Variants in NRXN3 observed in about 807,000 individuals in gnomAD.
The protein encoded by NRXN3 is neurexin III.
Under a neutral mutation model 137.6 loss-of-function variants are expected in NRXN3, and 32 were observed. The observed-to-expected ratio is 0.23, with a 90% CI of 0.18 to 0.31. The LOEUF is 0.31. Ranked by LOEUF, NRXN3 falls within the 10% of genes least tolerant of loss-of-function variation. NRXN3 has a pLI of 1.00. For synonymous variants in NRXN3, 798 were observed against 784.5 expected (o/e 1.02, Z -0.29); for missense variants, 1,574 against 2,062.5 (o/e 0.76, Z 4.59).
At chr14:78,205,524 A>G (rs1251580299) in intron 1 of NRXN3, among the ~76,000 whole-genome samples, 1 of 152,218 alleles carries the variant, frequency 6.6e-6, no homozygotes, top group Non-Finnish European at 1.5e-5. Context: ...GGCTTCCTGG[A>G]GGAATTGAGG....
intron 4 of NRXN3, among the ~76,000 whole-genome samples, chr14:78,458,995 C>G (rs1220761455): frequency 1.3e-5 from 2 of 152,200 alleles, no homozygotes; most frequent in Non-Finnish European, 2.9e-5. Context: ...TGGAAGATGT[C>G]CCTTTACCTT....
chr14:78,388,121 G>A (rs113656876), intron 4 of NRXN3, among the ~76,000 whole-genome samples: 4 of 152,128 alleles, frequency 2.6e-5, no homozygotes, highest in Non-Finnish European at 5.9e-5. Flanking sequence ...GAATAATTGC[G>A]CAGGTGGGAT....
rs571089507 is a variant in NRXN3 at position 78,720,950 on chromosome 14, G to A, written c.2044+5811G>A. Among the ~76,000 whole-genome samples, 8 of 152,258 alleles carry A rather than the reference G, an allele frequency of 5.3e-5. 1 individual carries two copies. The South Asian group carries it at 1.7e-3, about 32-fold the overall frequency. On this transcript the variant is annotated intron_variant, in intron 8 of 20. Transcript: ENST00000335750. ...CTCTTTTCTGTGTCAGGCTTTGTGA[G>A]CTGATGAGGATATACATTTATATTA...
At chr14:79,571,086 A>T (rs916331975) in intron 16 of NRXN3, among the ~76,000 whole-genome samples, 4 of 152,046 alleles carry the variant, frequency 2.6e-5, no homozygotes, top group Non-Finnish European at 5.9e-5. Context: ...CCTCATTTAA[A>T]CTCATCAGGG....
chr14:79,232,533 G>T (rs2072430609), intron 15 of NRXN3, among the ~76,000 whole-genome samples: 1 of 152,070 alleles, frequency 6.6e-6, no homozygotes, highest in South Asian at 2.1e-4. Flanking sequence ...TGGCTACTGA[G>T]CTTCTTAATA....
At chr14:78,925,692 C>T (rs536701406) in intron 10 of NRXN3, among the ~76,000 whole-genome samples, 4 of 152,150 alleles carry the variant, frequency 2.6e-5, no homozygotes, top group African/African-American at 7.2e-5. Context: ...TGAAAGGGGC[C>T]GAACCAATGA....
chr14:79,348,986 A>G (rs2093052903), intron 15 of NRXN3, among the ~76,000 whole-genome samples: 1 of 152,196 alleles, frequency 6.6e-6, no homozygotes, highest in African/African-American at 2.4e-5. Context: ...TGGTTGATCA[A>G]TAAAGTCACT....
chr14:79,818,403 A>G (rs2099259721), intron 20 of NRXN3, among the ~76,000 whole-genome samples: 1 of 152,182 alleles, frequency 6.6e-6, no homozygotes, highest in African/African-American at 2.4e-5. Context: ...TTCAAAACAT[A>G]TGCCCAGACA....
chr14:79,078,190 T>C (rs1232017164), intron 15 of NRXN3, among the ~76,000 whole-genome samples: 2 of 152,158 alleles, frequency 1.3e-5, no homozygotes, highest in East Asian at 1.9e-4. Flanking sequence ...AATCAAACTT[T>C]AGAGGTCATT....
intron 15 of NRXN3, among the ~76,000 whole-genome samples, chr14:79,250,806 G>A (rs2075817690): frequency 6.6e-6 from 1 of 152,198 alleles, no homozygotes; most frequent in Non-Finnish European, 1.5e-5. Context: ...TCATGCAGTG[G>A]TGGCATTTAA....
intron 16 of NRXN3, among the ~76,000 whole-genome samples, chr14:79,515,243 G>T (rs979940069): frequency 6.6e-6 from 1 of 150,528 alleles, no homozygotes; most frequent in Non-Finnish European, 1.5e-5. Context: ...ATAGGGAAAA[G>T]GTGGACTGCC....
At chr14:78,703,324 T>G (rs1451258716) in intron 6 of NRXN3, among the ~76,000 whole-genome samples, 1 of 152,126 alleles carries the variant, frequency 6.6e-6, no homozygotes, top group Non-Finnish European at 1.5e-5. Context: ...ATCAGCTGCC[T>G]GAGGGAGAGA....
At chr14:79,746,008 A>G (rs1568092330) in intron 19 of NRXN3, among the ~76,000 whole-genome samples, 2 of 152,092 alleles carry the variant, frequency 1.3e-5, no homozygotes, top group African/African-American at 4.8e-5. Context: ...ACCTTCCTAT[A>G]TTCAAATAAC....
At chr14:78,247,760 C>T (rs1401376155) in intron 2 of NRXN3, among the ~76,000 whole-genome samples, 1 of 152,146 alleles carries the variant, frequency 6.6e-6, no homozygotes, top group African/African-American at 2.4e-5. Context: ...CCTCACGGCT[C>T]ATTGAGAGTT....
intron 1 of NRXN3, among the ~76,000 whole-genome samples, chr14:78,234,366 T>G (rs2065881745): frequency 6.6e-6 from 1 of 152,206 alleles, no homozygotes. Context: ...TGCTGAGCAT[T>G]GTCCTAAGGG....
intron 15 of NRXN3, among the ~76,000 whole-genome samples, chr14:79,417,144 A>T (rs2095508458): frequency 6.6e-6 from 1 of 152,128 alleles, no homozygotes; most frequent in Admixed American, 6.6e-5. Context: ...TATGATGGAG[A>T]TGATTATTAT....
chr14:79,385,885 G>A (rs1356497354), intron 15 of NRXN3, among the ~76,000 whole-genome samples: 2 of 151,916 alleles, frequency 1.3e-5, no homozygotes, highest in Admixed American at 1.3e-4. Context: ...TGCAGAAAAG[G>A]CGTTTGACAA....
At chr14:78,631,464 G>C (rs972544910) in intron 4 of NRXN3, among the ~76,000 whole-genome samples, 24 of 152,076 alleles carry the variant, frequency 1.6e-4, no homozygotes, top group African/African-American at 5.8e-4. Flanking sequence ...ATAACTCGTG[G>C]ATTAAAAAAA....
Position 78,575,849 on chromosome 14 carries a change from G to A in NRXN3, c.758-69271G>A, listed in dbSNP as rs570551524. The stretch of plus-strand genomic sequence containing the variant: ...AGTATTCCAGGGACCAAAGCAAGAT[G>A]TTCAGGAAACTAGAGGCCTCAAATT... On this transcript the variant is annotated intron_variant, in intron 4 of 20. Coordinates refer to ENST00000335750, the MANE Select transcript of NRXN3 (RefSeq NM_001330195.2). 2.0e-5 allele frequency among the ~76,000 whole-genome samples: 3 copies of A among 152,252 alleles called. 1 individual carries two copies. In the East Asian group the frequency reaches 5.8e-4, roughly 29 times the overall value.
Sources: gnomAD v4.1 joint callset for allele counts (sites outside exome capture counted in the v4.1 genomes callset) on GRCh38, gnomAD v4.1.1 for gene constraint, MANE v1.5 for transcripts, NCBI Gene and HGNC (gene_info 2026-07-23, HGNC 2026-07-21) for gene names.